The following IGSF21 variants were observed in gnomAD, a reference collection of about 807,000 sequenced individuals.
IGSF21 encodes immunoglobulin superfamily member 21.
Under a neutral mutation model 46.8 loss-of-function variants are expected in IGSF21, and 28 were observed. That is an observed-to-expected ratio of 0.60 (90% CI 0.44 to 0.82). The LOEUF (loss-of-function observed/expected upper bound fraction) is 0.82. Among genes scored for constraint, IGSF21 ranks in the 40% least tolerant of loss-of-function variants. The pLI, the probability that IGSF21 is intolerant of heterozygous loss-of-function variation, is 0.00. For missense variants in IGSF21, 624 were observed against 665.5 expected (o/e 0.94, Z 0.69); for synonymous variants, 284 against 273.6 (o/e 1.04, Z -0.38).
At chr1:18,196,700 C>T (rs557117955) in intron 1 of IGSF21, among the ~76,000 whole-genome samples, 6 of 152,234 alleles carry the variant, frequency 3.9e-5, no homozygotes, top group East Asian at 3.9e-4. Flanking sequence ...GTTTGATAGA[C>T]GAAGAAACTG....
At chr1:18,146,696 C>T (rs1337890587) in intron 1 of IGSF21, among the ~76,000 whole-genome samples, 1 of 152,140 alleles carries the variant, frequency 6.6e-6, no homozygotes, top group African/African-American at 2.4e-5. Context: ...GTGGAGCCAC[C>T]GAGGGTCCCG....
chr1:18,165,111 C>T (rs2086666540), intron 1 of IGSF21, among the ~76,000 whole-genome samples: 1 of 152,064 alleles, frequency 6.6e-6, no homozygotes, highest in Admixed American at 6.5e-5. Flanking sequence ...ATATGTGCCA[C>T]ATTTTCTTCA....
At chr1:18,233,842 A>C (rs1056858432) in intron 2 of IGSF21, among the ~76,000 whole-genome samples, 1 of 152,172 alleles carries the variant, frequency 6.6e-6, no homozygotes, top group African/African-American at 2.4e-5. Context: ...GGCTTAACAC[A>C]GTTAAGCCAT....
chr1:18,275,395 G>T (rs182082005), intron 2 of IGSF21, among the ~76,000 whole-genome samples: 8 of 152,266 alleles, frequency 5.3e-5, no homozygotes, highest in Non-Finnish European at 1.2e-4. Flanking sequence ...TCCCGTCTCA[G>T]CAATCCCGTC....
Position 18,276,308 on chromosome 1 carries a change from A to G in IGSF21, c.184-15558A>G, listed in dbSNP as rs190840749. Reference sequence around the variant, plus strand: ...GGTCTGCAGGGGTCAAGGCAGCTTTACCCACCTGCAGGCATGGCTAGAAGG... The same window carrying G: ...GGTCTGCAGGGGTCAAGGCAGCTTTGCCCACCTGCAGGCATGGCTAGAAGG... On this transcript the variant is annotated intron_variant, in intron 2 of 9. Coordinates refer to ENST00000251296, the MANE Select transcript of IGSF21 (RefSeq NM_032880.5). Among the ~76,000 whole-genome samples the G allele has an allele frequency of 9.8e-4, 149 of 152,100 alleles. 5 individuals carry two copies. In the East Asian group the frequency reaches 0.027, roughly 28 times the overall value.
intron 6 of IGSF21, among the ~76,000 whole-genome samples, chr1:18,371,605 A>G (rs1364721352): frequency 6.6e-6 from 1 of 152,132 alleles, no homozygotes; most frequent in East Asian, 1.9e-4. Context: ...AAAAGAAGCC[A>G]GATGACAGAG....
chr1:18,120,315 G>C (rs905719425), intron 1 of IGSF21, among the ~76,000 whole-genome samples: 1 of 152,200 alleles, frequency 6.6e-6, no homozygotes, highest in East Asian at 1.9e-4. Context: ...GAGGACTGCA[G>C]CCAACTCTTG....
intron 2 of IGSF21, among the ~76,000 whole-genome samples, chr1:18,287,930 G>C (rs988481190): frequency 2.6e-5 from 4 of 152,150 alleles, no homozygotes; most frequent in Non-Finnish European, 5.9e-5. Flanking sequence ...CAGCCCCATA[G>C]ACAGAAAGAG....
At chr1:18,352,410 AC>A (rs1041590156) in intron 4 of IGSF21, among the ~76,000 whole-genome samples, 4 of 151,710 alleles carry the variant, frequency 2.6e-5, no homozygotes, top group African/African-American at 9.7e-5. Context: ...GCCGGACCCC[AC>A]CCCATCCCAG....
intron 6 of IGSF21, among the ~76,000 whole-genome samples, chr1:18,369,269 G>T (rs2086201275): frequency 6.6e-6 from 1 of 152,226 alleles, no homozygotes; most frequent in Non-Finnish European, 1.5e-5. Context: ...ACCTGATGAA[G>T]GGGGAGAATA....
At chr1:18,158,499 C>T (rs1024023718) in intron 1 of IGSF21, among the ~76,000 whole-genome samples, 3 of 152,152 alleles carry the variant, frequency 2.0e-5, no homozygotes, top group African/African-American at 7.2e-5. Context: ...TCTGCCCACC[C>T]ACCCAGGCCC....
At chr1:18,364,494 G>A (rs923097228) in intron 5 of IGSF21, among the ~76,000 whole-genome samples, 8 of 133,524 alleles carry the variant, frequency 6.0e-5, no homozygotes, top group South Asian at 2.5e-4. Flanking sequence ...TCCCTCTCCC[G>A]CCCCCCTATC....
chr1:18,158,866 G>T (rs559384076), intron 1 of IGSF21, among the ~76,000 whole-genome samples: 1 of 152,232 alleles, frequency 6.6e-6, no homozygotes, highest in East Asian at 1.9e-4. Context: ...GGAAGGTCCT[G>T]CCCAGGCATA....
chr1:18,129,615 T>G (rs1049777986), intron 1 of IGSF21, among the ~76,000 whole-genome samples: 2 of 152,106 alleles, frequency 1.3e-5, no homozygotes, highest in East Asian at 3.9e-4. Flanking sequence ...GTGGGGCTGG[T>G]GAGGAGGGAG....
chr1:18,192,389 T>C (rs1371826050), intron 1 of IGSF21, among the ~76,000 whole-genome samples: 2 of 152,226 alleles, frequency 1.3e-5, no homozygotes, highest in Non-Finnish European at 2.9e-5. Flanking sequence ...ATCTGCAAGA[T>C]GGGAATAAGA....
intron 1 of IGSF21, among the ~76,000 whole-genome samples, chr1:18,205,689 G>A (rs2084312837): frequency 6.6e-6 from 1 of 152,114 alleles, no homozygotes; most frequent in Admixed American, 6.5e-5. Flanking sequence ...ACTGGGAGGA[G>A]GACTGACTCA....
At chr1:18,342,745 T>C (rs1188456154) in intron 4 of IGSF21, among the ~76,000 whole-genome samples, 3 of 152,248 alleles carry the variant, frequency 2.0e-5, no homozygotes, top group African/African-American at 7.2e-5. Context: ...GGTTCATCCA[T>C]ATTGTAGCAG....
rs1218711467 is a variant in IGSF21, at chr1:18,127,954, C to T, written c.70+19756C>T. 3.9e-5 allele frequency among the ~76,000 whole-genome samples: 6 copies of T among 152,192 alleles called. No homozygotes were observed. The East Asian group carries it at 9.7e-4, about 25-fold the overall frequency. On this transcript the variant is annotated intron_variant, in intron 1 of 9. Transcript: ENST00000251296. ...AGCTGAACATCTTTGCCCAAAGCAT[C>T]TGACATCCATAACTATTTAATTCAC... is the stretch of plus-strand genomic sequence containing the variant.
chr1:18,211,588 A>G (rs1328403076), intron 1 of IGSF21, among the ~76,000 whole-genome samples: 1 of 152,330 alleles, frequency 6.6e-6, no homozygotes, highest in Middle Eastern at 3.4e-3. Flanking sequence ...TGAGCCCAGC[A>G]ATTAATTCGT....
Sources: gnomAD v4.1 joint callset for allele counts (sites outside exome capture counted in the v4.1 genomes callset) on GRCh38, gnomAD v4.1.1 for gene constraint, MANE v1.5 for transcripts, NCBI Gene and HGNC (gene_info 2026-07-23, HGNC 2026-07-21) for gene names.